The following SORBS2 variants were observed in gnomAD, a reference collection of about 807,000 sequenced individuals.
SORBS2 encodes sorbin and SH3 domain-containing protein 2.
A neutral mutation model predicts 97.7 loss-of-function variants in SORBS2; 46 were observed. That is an observed-to-expected ratio of 0.47 (90% CI 0.37 to 0.60). The LOEUF (loss-of-function observed/expected upper bound fraction) is 0.60, where lower values mean the gene tolerates loss of function less well. Among genes scored for constraint, SORBS2 ranks in the 20% least tolerant of loss-of-function variants. The pLI is 0.00. For missense variants in SORBS2, 1,316 were observed against 1,282.3 expected (o/e 1.03, Z -0.40); for synonymous variants, 476 against 473.4 (o/e 1.01, Z -0.07).
chr4:185,631,855 A>T (rs1018230258), intron 4 of SORBS2, among the ~76,000 whole-genome samples: 2 of 152,260 alleles, frequency 1.3e-5, no homozygotes, highest in Non-Finnish European at 2.9e-5. Flanking sequence ...TACCAAGTAT[A>T]GATAGTTTTG....
intron 1 of SORBS2, among the ~76,000 whole-genome samples, chr4:185,881,898 T>C (rs2099237091): frequency 6.6e-6 from 1 of 152,184 alleles, no homozygotes; most frequent in Non-Finnish European, 1.5e-5. Flanking sequence ...ATCAATAATA[T>C]CTAAATTTGA....
intron 1 of SORBS2, among the ~76,000 whole-genome samples, chr4:185,839,619 G>T (rs940620625): frequency 1.3e-5 from 2 of 152,180 alleles, no homozygotes; most frequent in Non-Finnish European, 2.9e-5. Context: ...CTTGTAATTT[G>T]TTTATAGTGC....
At chr4:185,592,094 G>A (rs565862285) in intron 13 of SORBS2, 30 of 152,262 alleles carry the variant, frequency 2.0e-4, no homozygotes, top group African/African-American at 6.5e-4. Flanking sequence ...ATGGTGGTGG[G>A]GTAAGGATGC....
intron 2 of SORBS2, chr4:185,773,437 T>C (rs144903182): frequency 2.3e-4 from 35 of 152,378 alleles, no homozygotes; most frequent in Admixed American, 1.2e-3. Context: ...TTTTCTACTA[T>C]AAATCCAAGT....
chr4:185,605,714 A>G (rs898614542), intron 12 of SORBS2, among the ~76,000 whole-genome samples: 9 of 152,070 alleles, frequency 5.9e-5, no homozygotes, highest in Admixed American at 3.9e-4. Flanking sequence ...CCTCCCGAGT[A>G]GCTGGGATTG....
At chr4:185,802,944 A>C (rs1416377071) in intron 1 of SORBS2, among the ~76,000 whole-genome samples, 3 of 152,218 alleles carry the variant, frequency 2.0e-5, no homozygotes, top group Non-Finnish European at 4.4e-5. Context: ...GCGAGAGTGC[A>C]TGCAGATTTC....
intron 2 of SORBS2, among the ~76,000 whole-genome samples, chr4:185,732,787 T>C (rs1423732035): frequency 6.6e-6 from 1 of 152,236 alleles, no homozygotes; most frequent in Non-Finnish European, 1.5e-5. Context: ...GAGAGCGATC[T>C]TATTTGGAAA....
chr4:185,924,013 T>C (rs2099262299), intron 1 of SORBS2, among the ~76,000 whole-genome samples: 1 of 152,160 alleles, frequency 6.6e-6, no homozygotes, highest in Non-Finnish European at 1.5e-5. Flanking sequence ...CAGATATCTG[T>C]CTCATCTGTT....
intron 4 of SORBS2, among the ~76,000 whole-genome samples, chr4:185,645,167 C>T (rs952552335): frequency 6.6e-6 from 1 of 152,146 alleles, no homozygotes; most frequent in East Asian, 1.9e-4. Flanking sequence ...ATTCCAATAC[C>T]ATTACCATGT....
Position 185,593,722 on chromosome 4 carries a change from CTG to C in SORBS2, c.2846+162_2846+163del, listed in dbSNP as rs1224957912. On this transcript the variant is annotated intron_variant, in intron 13 of 14. Coordinates refer to ENST00000418609, the Ensembl canonical transcript of SORBS2. ...TCTTTTAAAAATTAGTTTCTGGTCA[CTG>C]TCATAAAAGATGGAGAGACTATTAC... 6 of 581,312 alleles carry C rather than the reference CTG, an allele frequency of 1.0e-5. No homozygotes were observed. The African/African-American group carries it at 1.2e-4, about 11-fold the overall frequency. 36.0% of individuals were successfully genotyped at this position (581,312 alleles called of 1,614,324 possible).
chr4:185,781,631 CCA>C (rs2099030587), intron 1 of SORBS2, among the ~76,000 whole-genome samples: 1 of 126,228 alleles, frequency 7.9e-6, no homozygotes, highest in Non-Finnish European at 1.9e-5. Flanking sequence ...AGCCTCCCTT[CCA>C]TTGCCTCCGG....
intron 1 of SORBS2, among the ~76,000 whole-genome samples, chr4:185,872,132 T>G (rs561007022): frequency 6.6e-6 from 1 of 152,352 alleles, no homozygotes; most frequent in African/African-American, 2.4e-5. Flanking sequence ...CTCATTTTCA[T>G]GTTCTGAAGG....
intron 1 of SORBS2, among the ~76,000 whole-genome samples, chr4:185,836,096 C>G (rs952617889): frequency 6.6e-6 from 1 of 152,094 alleles, no homozygotes; most frequent in Non-Finnish European, 1.5e-5. Flanking sequence ...TGACCCAGAG[C>G]TCCAGTGTGG....
At chr4:185,746,398 C>A (rs925426910) in intron 2 of SORBS2, among the ~76,000 whole-genome samples, 1 of 152,180 alleles carries the variant, frequency 6.6e-6, no homozygotes, top group East Asian at 1.9e-4. Context: ...CTCGCTGCAA[C>A]CTCCGCGTCC....
chr4:185,882,628 C>T (rs1172182899), intron 1 of SORBS2, among the ~76,000 whole-genome samples: 1 of 152,042 alleles, frequency 6.6e-6, no homozygotes, highest in African/African-American at 2.4e-5. Flanking sequence ...CTAGAATTGT[C>T]CAAACAAATT....
intron 4 of SORBS2, among the ~76,000 whole-genome samples, chr4:185,642,349 A>AT (rs1341616382): frequency 4.0e-5 from 6 of 151,738 alleles, no homozygotes; most frequent in African/African-American, 1.5e-4. Context: ...ACATTTTCAT[A>AT]TATTTTTTTT....
At chr4:185,646,900 G>T in intron 3 of SORBS2, 118 bp from the exon 13 acceptor site, 1 of 642,030 alleles carries the variant, frequency 1.6e-6, no homozygotes, top group Non-Finnish European at 2.7e-6. Flanking sequence ...AAATCTCTCA[G>T]GATAAAAAGT....
At chr4:185,835,148 A>C (rs1403663498) in intron 1 of SORBS2, among the ~76,000 whole-genome samples, 1 of 152,136 alleles carries the variant, frequency 6.6e-6, no homozygotes, top group Non-Finnish European at 1.5e-5. Flanking sequence ...AGCTTCCTGA[A>C]GCCTCCGCAG....
chr4:185,723,994 T>A (rs2098537012), intron 2 of SORBS2, among the ~76,000 whole-genome samples: 1 of 152,240 alleles, frequency 6.6e-6, no homozygotes, highest in Non-Finnish European at 1.5e-5. Context: ...TGGCATCTAC[T>A]GATCAGCACC....
Sources: gnomAD v4.1 joint callset for allele counts (sites outside exome capture counted in the v4.1 genomes callset) on GRCh38, gnomAD v4.1.1 for gene constraint, MANE v1.5 for transcripts, NCBI Gene and HGNC (gene_info 2026-07-23, HGNC 2026-07-21) for gene names.